GOLPH3: variants seen among roughly 807,000 people sequenced by gnomAD.
The protein encoded by GOLPH3 is golgi phosphoprotein 3, also known as coat protein GPP34.
GOLPH3 carries 14 observed loss-of-function variants against 28.5 expected under a neutral mutation model. The observed-to-expected ratio is 0.49, with a 90% CI of 0.32 to 0.77. The LOEUF (loss-of-function observed/expected upper bound fraction) is 0.77, where lower values mean the gene tolerates loss of function less well. Ranked by LOEUF, GOLPH3 falls within the 30% of genes least tolerant of loss-of-function variation. The probability of loss-of-function intolerance (pLI) is 0.03; values close to 1 mark genes in which losing one functional copy is unlikely to be tolerated. For missense variants in GOLPH3, 350 were observed against 393.7 expected (o/e 0.89, Z 0.94); for synonymous variants, 158 against 159.2 (o/e 0.99, Z 0.06).
intron 3 of GOLPH3, among the ~76,000 whole-genome samples, chr5:32,129,347 C>T (rs552987084): frequency 7.9e-5 from 12 of 152,130 alleles, no homozygotes; most frequent in African/African-American, 2.4e-4. Flanking sequence ...GTTCTTAGAA[C>T]GAAGCCTAAC....
At chr5:32,130,193 G>A (rs1270263182) in intron 3 of GOLPH3, among the ~76,000 whole-genome samples, 1 of 152,226 alleles carries the variant, frequency 6.6e-6, no homozygotes, top group Admixed American at 6.5e-5. Flanking sequence ...ATAAATAACT[G>A]CTGCATCTTT....
intron 2 of GOLPH3, among the ~76,000 whole-genome samples, chr5:32,137,102 G>A (rs535486672): frequency 6.6e-6 from 1 of 151,958 alleles, no homozygotes; most frequent in Non-Finnish European, 1.5e-5. Context: ...TGGAATAACA[G>A]GTGTGTGCCA....
At chr5:32,160,390 T>G (rs1746546499) in intron 1 of GOLPH3, among the ~76,000 whole-genome samples, 1 of 152,170 alleles carries the variant, frequency 6.6e-6, no homozygotes. Context: ...AAGTAATATA[T>G]TTCAAGAATA....
At chr5:32,158,128 A>ACAC (rs1432947280) in intron 1 of GOLPH3, among the ~76,000 whole-genome samples, 14 of 41,688 alleles carry the variant, frequency 3.4e-4, no homozygotes, top group Admixed American at 8.0e-4. Flanking sequence ...ATAAATAAAT[A>ACAC]AAATACACAC....
At position 32,125,583 on chromosome 5, in the gene GOLPH3, A is replaced by T. The variant is rs1369207071; in HGVS notation, c.*629T>A. On this transcript the variant is annotated 3_prime_UTR_variant, in exon 4 of 4. Transcript: ENST00000265070. ...ATACAGCATAAATGGAATGCAGCCC[A>T]TCCCAAACTGGCTCTGTGAAACAAT... 1 of 152,744 alleles carries T rather than the reference A, an allele frequency of 6.5e-6. No homozygotes were observed. The highest frequency in any genetic ancestry group is 1.5e-5 in the Non-Finnish European group (1 of 68,096). 9.5% of individuals were successfully genotyped at this position (152,744 alleles called of 1,614,324 possible).
chr5:32,142,943 G>A (rs1168040305), intron 2 of GOLPH3, among the ~76,000 whole-genome samples: 2 of 152,122 alleles, frequency 1.3e-5, no homozygotes, highest in African/African-American at 2.4e-5. Flanking sequence ...ACCCCGTCTG[G>A]GAGGTGTACC....
chr5:32,164,900 CT>C (rs760066281), intron 1 of GOLPH3, among the ~76,000 whole-genome samples: 7,584 of 119,698 alleles, frequency 0.063, 201 homozygotes, highest in Non-Finnish European at 0.097. Flanking sequence ...ATTATGTATT[CT>C]TTTTTTTTTT....
chr5:32,138,754 T>G (rs1483246285), intron 2 of GOLPH3, among the ~76,000 whole-genome samples: 1 of 152,206 alleles, frequency 6.6e-6, no homozygotes, highest in Non-Finnish European at 1.5e-5. Flanking sequence ...AAACTTCAAG[T>G]GCTTAAGTGT....
chr5:32,160,371 C>T (rs1337535539), intron 1 of GOLPH3, among the ~76,000 whole-genome samples: 1 of 152,142 alleles, frequency 6.6e-6, no homozygotes. Context: ...AGCCATCATA[C>T]CCAGCTGGAA....
intron 2 of GOLPH3, among the ~76,000 whole-genome samples, chr5:32,136,794 A>G (rs906116848): frequency 7.2e-5 from 11 of 152,240 alleles, no homozygotes; most frequent in African/African-American, 2.4e-4. Flanking sequence ...CAAAATCCAG[A>G]AAATTCCAAA....
At chr5:32,166,968 G>C (rs372631877) in intron 1 of GOLPH3, among the ~76,000 whole-genome samples, 4 of 151,382 alleles carry the variant, frequency 2.6e-5, no homozygotes, top group African/African-American at 7.3e-5. Flanking sequence ...CTGTTAGAAG[G>C]GGGGGGGAGT....
chr5:32,166,092 A>G (rs1252204678), intron 1 of GOLPH3, among the ~76,000 whole-genome samples: 1 of 152,260 alleles, frequency 6.6e-6, no homozygotes, highest in Non-Finnish European at 1.5e-5. Context: ...ACACAACTGC[A>G]GAGAATTCAC....
intron 3 of GOLPH3, 152 bp from the exon 4 acceptor site, chr5:32,126,788 C>T: frequency 4.6e-6 from 3 of 654,320 alleles, no homozygotes; most frequent in Non-Finnish European, 7.7e-6. Context: ...CCATGAACCC[C>T]TTAAGCCTAG....
intron 3 of GOLPH3, among the ~76,000 whole-genome samples, chr5:32,128,900 C>T (rs972774052): frequency 7.2e-5 from 11 of 151,908 alleles, no homozygotes; most frequent in Admixed American, 1.3e-4. Flanking sequence ...CCAGCCTGGG[C>T]AACATGGTGA....
chr5:32,148,066 C>T (rs1190711978), intron 1 of GOLPH3, among the ~76,000 whole-genome samples: 2 of 152,168 alleles, frequency 1.3e-5, no homozygotes, highest in Non-Finnish European at 2.9e-5. Flanking sequence ...GTACAAAGAA[C>T]ATGACTGAAT....
intron 1 of GOLPH3, among the ~76,000 whole-genome samples, chr5:32,173,435 C>T (rs1185327397): frequency 2.0e-5 from 3 of 152,078 alleles, no homozygotes; most frequent in Admixed American, 6.5e-5. Flanking sequence ...GCGCTGGTGG[C>T]TCCAGCTGTT....
intron 2 of GOLPH3, among the ~76,000 whole-genome samples, chr5:32,141,945 G>A (rs1179415460): frequency 1.3e-5 from 2 of 151,902 alleles, no homozygotes; most frequent in East Asian, 1.9e-4. Context: ...GCGTGATCTC[G>A]GCTCGCTACA....
chr5:32,136,373 C>T (rs1745932067), intron 2 of GOLPH3, among the ~76,000 whole-genome samples: 1 of 151,498 alleles, frequency 6.6e-6, no homozygotes, highest in South Asian at 2.1e-4. Flanking sequence ...CCCAGCTACT[C>T]TGGAGGCTGA....
rs1381816900 is a variant in GOLPH3, at chr5:32,126,152, A to C, written c.*60T>G. The stretch of plus-strand genomic sequence containing the variant: ...TACAAATTACAGAAAACCAGAAGTC[A>C]ACAGAAGAAAAACTACTGGTTTACT... On this transcript the variant is annotated 3_prime_UTR_variant, in exon 4 of 4. Transcript: ENST00000265070. The C allele has an allele frequency of 1.3e-6, 2 of 1,490,256 alleles. No individual in the cohort carries two copies. The highest frequency in any genetic ancestry group is 1.8e-6 in the Non-Finnish European group (2 of 1,101,190). 92.3% of individuals were successfully genotyped at this position (1,490,256 alleles called of 1,614,324 possible).
Sources: allele counts gnomAD v4.1 joint callset (sites outside exome capture counted in the v4.1 genomes callset), GRCh38; gene constraint gnomAD v4.1.1; transcripts MANE v1.5; gene names NCBI Gene and HGNC (gene_info 2026-07-23, HGNC 2026-07-21).